Variants in MYO7A observed in about 807,000 individuals in gnomAD.
MYO7A encodes the protein unconventional myosin-VIIa.
MYO7A carries 210 observed loss-of-function variants against 263.8 expected under a neutral mutation model. The ratio of observed to expected loss-of-function variants is 0.80; its 90% CI spans 0.71 to 0.89. MYO7A has a LOEUF of 0.89. Ranked by LOEUF, MYO7A falls within the 40% of genes least tolerant of loss-of-function variation. The pLI is 0.00. For synonymous variants in MYO7A, 1,239 were observed against 1,197.3 expected (o/e 1.03, Z -0.72); for missense variants, 2,820 against 2,968.3 (o/e 0.95, Z 1.16).
chr11:77,130,491 G>T (rs1439880179), intron 1 of MYO7A, 98 bp from the exon 2 acceptor site: 21 of 860,260 alleles, frequency 2.4e-5, no homozygotes, highest in Middle Eastern at 2.4e-4. Context: ...GAGGGAGGAG[G>T]AGCTGGGGCT....
At position 77,160,222 on chromosome 11, in the gene MYO7A, GACGGTGTCC is replaced by G. The variant is rs1952864050; in HGVS notation, c.1143_1151del (p.Val382_Thr384del). The G allele has an allele frequency of 6.3e-7, 1 of 1,581,926 alleles. No homozygotes were observed. ...GCCGCACCCTCATCACCCGCGGGGA[GACGGTGTCC>G]ACCCCACTGAGCAGGGAACAGGCAC... is the stretch of plus-strand genomic sequence containing the variant. On this transcript the variant is annotated inframe_deletion, in exon 11 of 49. Coordinates refer to ENST00000409709, the MANE Select transcript of MYO7A (RefSeq NM_000260.4).
At chr11:77,175,036 G>A in intron 17 of MYO7A, 122 bp downstream of exon 17, 2 of 1,292,236 alleles carry the variant, frequency 1.5e-6, no homozygotes, top group Non-Finnish European at 2.1e-6. Flanking sequence ...CTCAGGTGCA[G>A]CACGGAAAAT....
chr11:77,182,008 C>T lies in MYO7A; in HGVS notation c.2962C>T (p.Leu988=). The stretch of plus-strand genomic sequence containing the variant: ...GGAGGACCTGGATGCAGCCCTGCCC[C>T]TGCCTGACGAGGATGAGGAGGACCT... The part of the protein sequence containing the change: ...VEEDLDAALP[L]PDEDEEDLSE... Residue 988 remains leucine, a synonymous_variant, in exon 24 of 49, where the codon CTG becomes TTG. Transcript: ENST00000409709. The T allele has an allele frequency of 1.9e-6, 3 of 1,613,400 alleles. No homozygotes were observed. The South Asian group carries it at 3.3e-5, about 18-fold the overall frequency.
At chr11:77,152,944 A>G (rs1438854015) in intron 4 of MYO7A, among the ~76,000 whole-genome samples, 1 of 152,128 alleles carries the variant, frequency 6.6e-6, no homozygotes, top group African/African-American at 2.4e-5. Context: ...AAAGTTTCAT[A>G]TGAATGGAGC....
intron 3 of MYO7A, 34 bp downstream of exon 3, chr11:77,142,856 C>A: frequency 6.5e-7 from 1 of 1,537,216 alleles, no homozygotes; most frequent in South Asian, 1.2e-5. Context: ...TGCCCCATGC[C>A]TTGGGGTCAG....
At chr11:77,187,248 A>C (rs58345245) in intron 27 of MYO7A, among the ~76,000 whole-genome samples, 3 of 152,306 alleles carry the variant, frequency 2.0e-5, no homozygotes, top group Middle Eastern at 3.4e-3. Flanking sequence ...AAGTGAGCAC[A>C]TGCTGTTGGA....
At chr11:77,155,282 G>A (rs1952341433) in intron 4 of MYO7A, among the ~76,000 whole-genome samples, 1 of 152,108 alleles carries the variant, frequency 6.6e-6, no homozygotes, top group Non-Finnish European at 1.5e-5. Flanking sequence ...TATCTGAGGT[G>A]CACCTGGCCC....
intron 3 of MYO7A, among the ~76,000 whole-genome samples, chr11:77,144,231 G>A (rs1400581661): frequency 1.3e-5 from 2 of 152,160 alleles, no homozygotes; most frequent in Non-Finnish European, 2.9e-5. Flanking sequence ...TCATTCCAGA[G>A]GCTCCAGTTC....
At chr11:77,168,519 G>A (rs900988417) in intron 15 of MYO7A, among the ~76,000 whole-genome samples, 11 of 152,046 alleles carry the variant, frequency 7.2e-5, no homozygotes, top group African/African-American at 2.7e-4. Flanking sequence ...CCCAGGCTGG[G>A]TGTGGTGGCT....
intron 27 of MYO7A, among the ~76,000 whole-genome samples, chr11:77,187,916 A>G (rs542710178): frequency 1.3e-4 from 20 of 152,204 alleles, no homozygotes; most frequent in Non-Finnish European, 2.4e-4. Flanking sequence ...CCCCGTTTTT[A>G]TCTCCCCAAG....
chr11:77,134,363 T>C (rs1428526053), intron 2 of MYO7A, among the ~76,000 whole-genome samples: 2 of 152,246 alleles, frequency 1.3e-5, no homozygotes, highest in Non-Finnish European at 2.9e-5. Context: ...TGCATCTTTA[T>C]ACATTGTGTG....
chr11:77,212,872 G>C, intron 46 of MYO7A, 80 bp from the exon 47 acceptor site: 1 of 1,155,094 alleles, frequency 8.7e-7, no homozygotes, highest in Non-Finnish European at 1.3e-6. Flanking sequence ...TATCCCAGCT[G>C]GGGCCAGGCT....
rs1438441482 is a variant in MYO7A, at chr11:77,172,768, C to T, written c.1818C>T (p.Arg606=). ...DVAMGAETRK[R]SPTLSSQFKR... ...CCCAGGGCGCCGAGACCAGGAAGCG[C>T]TCGCCCACACTTAGCAGCCAGTTCA... The change falls in exon 16 of 49, where the codon CGC becomes CGT. Residue 606 remains arginine, a synonymous_variant. Coordinates refer to ENST00000409709, the MANE Select transcript of MYO7A (RefSeq NM_000260.4). The T allele has an allele frequency of 1.9e-6, 3 of 1,558,816 alleles. No individual in the cohort carries two copies. Among genetic ancestry groups the T allele is most frequent in the East Asian group, 2.4e-5 (1 of 41,322 alleles).
intron 2 of MYO7A, among the ~76,000 whole-genome samples, chr11:77,134,448 C>T (rs1223409733): frequency 1.3e-5 from 2 of 151,832 alleles, no homozygotes; most frequent in African/African-American, 4.8e-5. Flanking sequence ...AGTTACAGAC[C>T]AAAAATACAA....
intron 4 of MYO7A, among the ~76,000 whole-genome samples, chr11:77,154,881 G>T (rs77096346): frequency 5.3e-5 from 8 of 152,008 alleles, no homozygotes; most frequent in Admixed American, 3.9e-4. Context: ...CCTGGCATGC[G>T]GTGCCTGCAT....
At chr11:77,149,744 G>C (rs1162923444) in intron 4 of MYO7A, among the ~76,000 whole-genome samples, 2 of 152,148 alleles carry the variant, frequency 1.3e-5, no homozygotes, top group African/African-American at 2.4e-5. Context: ...CATAGGAAGT[G>C]GCTTTCGCAG....
intron 26 of MYO7A, among the ~76,000 whole-genome samples, chr11:77,184,102 G>A (rs1244901008): frequency 6.6e-6 from 1 of 152,188 alleles, no homozygotes; most frequent in Non-Finnish European, 1.5e-5. Context: ...TGGGATGAGA[G>A]AGGAGAAACA....
At chr11:77,196,312 G>A (rs1210947969) in intron 32 of MYO7A, among the ~76,000 whole-genome samples, 1 of 150,812 alleles carries the variant, frequency 6.6e-6, no homozygotes, top group Non-Finnish European at 1.5e-5. Context: ...GTTGCAGTGA[G>A]CCAAGATCCT....
chr11:77,146,454 C>T (rs955117647), intron 3 of MYO7A, among the ~76,000 whole-genome samples: 28 of 152,146 alleles, frequency 1.8e-4, no homozygotes, highest in African/African-American at 4.3e-4. Context: ...CAGTGAGAGA[C>T]GGTGGTCTCA....
Sources: allele counts gnomAD v4.1 joint callset (sites outside exome capture counted in the v4.1 genomes callset), GRCh38; gene constraint gnomAD v4.1.1; transcripts MANE v1.5; gene names NCBI Gene and HGNC (gene_info 2026-07-23, HGNC 2026-07-21).